KLRD1: variants seen among roughly 807,000 people sequenced by gnomAD.
KLRD1 encodes the protein killer cell lectin like receptor D1.
A neutral mutation model predicts 22.6 loss-of-function variants in KLRD1; 21 were observed. The ratio of observed to expected loss-of-function variants is 0.93; its 90% CI spans 0.66 to 1.34. KLRD1 has a LOEUF of 1.34. Among genes scored for constraint, KLRD1 ranks in the 40% most tolerant of loss-of-function variants. The pLI, the probability that KLRD1 is intolerant of heterozygous loss-of-function variation, is 0.00. For synonymous variants in KLRD1, 59 were observed against 71.1 expected, an observed-to-expected ratio of 0.83 and a Z score of 0.85; for missense variants, 183 against 208.6, an observed-to-expected ratio of 0.88 and a Z score of 0.76.
intron 1 of KLRD1, among the ~76,000 whole-genome samples, chr12:10,248,593 T>C (rs1483841188): frequency 3.9e-5 from 4 of 103,570 alleles, no homozygotes; most frequent in Non-Finnish European, 6.6e-5. Flanking sequence ...TTCCCTTCTT[T>C]TCTTCTTTTC....
In KLRD1 at chr12:10,324,818, G is replaced by GTGTGTATATATATATATATA. The variant is rs750696767; in HGVS notation, c.*10026_*10027insGTGTATATATATATATATAT. 2.4e-4 allele frequency: 18 copies of GTGTGTATATATATATATATA among 74,154 alleles called. No homozygotes were observed. In the East Asian group the frequency reaches 4.0e-3, roughly 17 times the overall value. 4.6% of individuals were successfully genotyped at this position (74,154 alleles called of 1,614,324 possible). ...AGTATATATGTATATGTGTGTGTGT[G>GTGTGTATATATATATATATA]TATATATATATATATATATATATAT... On this transcript the variant is annotated 3_prime_UTR_variant, in exon 6 of 6. Coordinates refer to ENST00000336164, the MANE Select transcript of KLRD1 (RefSeq NM_002262.5).
At chr12:10,270,960 T>G (rs559179201) in intron 1 of KLRD1, among the ~76,000 whole-genome samples, 1 of 152,128 alleles carries the variant, frequency 6.6e-6, no homozygotes, top group South Asian at 2.1e-4. Context: ...ATTTTTGTAT[T>G]TTTAGTAGAG....
chr12:10,274,683 G>A (rs748073280), intron 1 of KLRD1, among the ~76,000 whole-genome samples: 10 of 151,974 alleles, frequency 6.6e-5, no homozygotes, highest in South Asian at 4.2e-4. Flanking sequence ...CTCTTCATCC[G>A]TGTCTAAGTA....
At chr12:10,279,250 G>C (rs1447119600) in intron 1 of KLRD1, among the ~76,000 whole-genome samples, 1 of 151,988 alleles carries the variant, frequency 6.6e-6, no homozygotes, top group African/African-American at 2.4e-5. Flanking sequence ...GCAGTATTTG[G>C]TTTTCTGTTT....
At chr12:10,258,437 C>T (rs991990283) in intron 1 of KLRD1, among the ~76,000 whole-genome samples, 6 of 152,152 alleles carry the variant, frequency 3.9e-5, no homozygotes, top group African/African-American at 1.4e-4. Context: ...TCTCCAGCCA[C>T]ATTGGGATGG....
intron 1 of KLRD1, among the ~76,000 whole-genome samples, chr12:10,289,274 C>T (rs1165748075): frequency 6.6e-6 from 1 of 152,216 alleles, no homozygotes; most frequent in East Asian, 1.9e-4. Flanking sequence ...GCAGCTGCAG[C>T]TGAGCTCTTT....
At chr12:10,258,705 A>T (rs1243444978) in intron 1 of KLRD1, among the ~76,000 whole-genome samples, 1 of 152,216 alleles carries the variant, frequency 6.6e-6, no homozygotes, top group African/African-American at 2.4e-5. Context: ...AGGAAATAGA[A>T]CTAAATGGAC....
At chr12:10,309,274 C>T (rs2137693041) in intron 1 of KLRD1, 114 bp from the exon 2 acceptor site, 3 of 642,062 alleles carry the variant, frequency 4.7e-6, no homozygotes, top group South Asian at 4.0e-5. Context: ...GGCAAGATGA[C>T]TCCGTTATCA....
At position 10,320,517 on chromosome 12, in the gene KLRD1, G is replaced by A. The variant is rs895295070; in HGVS notation, c.*5724G>A. The A allele has an allele frequency of 5.9e-5, 9 of 152,202 alleles. No homozygotes were observed. The highest frequency in any genetic ancestry group is 1.2e-4 in the Non-Finnish European group (8 of 68,028). 9.4% of individuals were successfully genotyped at this position (152,202 alleles called of 1,614,324 possible). On this transcript the variant is annotated 3_prime_UTR_variant, in exon 6 of 6. Coordinates refer to ENST00000336164, the MANE Select transcript of KLRD1 (RefSeq NM_002262.5). The stretch of plus-strand genomic sequence containing the variant: ...TGCTCTAAACTTATTTCCAACTAGA[G>A]TGTTGAATATCTTGTCTGATTTCTT...
chr12:10,258,566 T>C (rs1949420784), intron 1 of KLRD1, among the ~76,000 whole-genome samples: 1 of 152,190 alleles, frequency 6.6e-6, no homozygotes, highest in African/African-American at 2.4e-5. Context: ...AAAGATCTAT[T>C]GAAAAATAGA....
At chr12:10,291,756 T>G (rs149531875) in intron 1 of KLRD1, among the ~76,000 whole-genome samples, 1 of 152,110 alleles carries the variant, frequency 6.6e-6, no homozygotes, top group Admixed American at 6.5e-5. Context: ...AAGCCCTACA[T>G]GCATTAGGTA....
chr12:10,285,665 A>G (rs1044806230), intron 1 of KLRD1, among the ~76,000 whole-genome samples: 9 of 152,178 alleles, frequency 5.9e-5, no homozygotes, highest in Admixed American at 4.6e-4. Context: ...CTCTAAGCAC[A>G]TTATCCGAAG....
Position 10,241,880 on chromosome 12 carries a change from A to G in KLRD1, c.-101+15647A>G, listed in dbSNP as rs74741247. On this transcript the variant is annotated intron_variant, in intron 1 of 5. Coordinates refer to the KLRD1 transcript ENST00000544747. ...AAACATGATGTTCTCTTAACCCGTC[A>G]GTATGTAAGTATTTCCTCAGAAATC... Among the ~76,000 whole-genome samples, 50 of 152,230 alleles carry G rather than the reference A, an allele frequency of 3.3e-4. No homozygotes were observed. In the East Asian group the frequency reaches 9.3e-3, roughly 28 times the overall value.
chr12:10,326,381 T>A lies in KLRD1; in HGVS notation c.*11588T>A, dbSNP rs1383207710. 4 of 152,206 alleles carry A rather than the reference T, an allele frequency of 2.6e-5. No individual in the cohort carries two copies. The highest frequency in any genetic ancestry group is 1.3e-4 in the Admixed American group (2 of 15,264). 9.4% of individuals were successfully genotyped at this position (152,206 alleles called of 1,614,324 possible). Reference sequence around the variant, plus strand: ...CATATGCCCATAACACAGCCTCACCTCAGGAGGTCCTGCTGACATGTGCCC... The same window carrying A: ...CATATGCCCATAACACAGCCTCACCACAGGAGGTCCTGCTGACATGTGCCC... On this transcript the variant is annotated 3_prime_UTR_variant, in exon 6 of 6. Transcript: ENST00000336164.
Position 10,325,197 on chromosome 12 carries a change from T to A in KLRD1, c.*10404T>A, listed in dbSNP as rs943741722. 2.0e-5 allele frequency: 3 copies of A among 152,088 alleles called. No homozygotes were observed. Among genetic ancestry groups the A allele is most frequent in the Non-Finnish European group, 4.4e-5 (3 of 67,970 alleles). 9.4% of individuals were successfully genotyped at this position (152,088 alleles called of 1,614,324 possible). On this transcript the variant is annotated 3_prime_UTR_variant, in exon 6 of 6. Transcript: ENST00000336164. ...AAGTTCCCTCCTATTCCTAGTCTGATGAGAATTTTTATAAGGAGTACATAT... is the reference window on the plus strand; with the variant it reads ...AAGTTCCCTCCTATTCCTAGTCTGAAGAGAATTTTTATAAGGAGTACATAT...
chr12:10,308,134 CTTGGAT>C (rs1937648551), intron 1 of KLRD1, 50 bp downstream of exon 1: 2 of 1,528,650 alleles, frequency 1.3e-6, no homozygotes, highest in African/African-American at 1.4e-5. Flanking sequence ...AAAGCTATTT[CTTGGAT>C]TGGCTGATTT....
At chr12:10,257,888 G>A (rs764891071) in intron 1 of KLRD1, among the ~76,000 whole-genome samples, 3 of 151,968 alleles carry the variant, frequency 2.0e-5, no homozygotes, top group Non-Finnish European at 2.9e-5. Context: ...TCTATTAACT[G>A]TGTACTGTAG....
chr12:10,300,358 A>T (rs1292027748), upstream of KLRD1, among the ~76,000 whole-genome samples: 5 of 152,236 alleles, frequency 3.3e-5, no homozygotes, highest in Non-Finnish European at 7.3e-5. Context: ...AGAAAACAAC[A>T]TGTATCTCCT....
At chr12:10,274,800 C>A (rs917449925) in intron 1 of KLRD1, among the ~76,000 whole-genome samples, 1 of 152,098 alleles carries the variant, frequency 6.6e-6, no homozygotes, top group East Asian at 1.9e-4. Context: ...GTTTTCTAAA[C>A]ACATTTCCAA....
Sources: gnomAD v4.1 joint callset for allele counts (sites outside exome capture counted in the v4.1 genomes callset) on GRCh38, gnomAD v4.1.1 for gene constraint, MANE v1.5 for transcripts, NCBI Gene and HGNC (gene_info 2026-07-23, HGNC 2026-07-21) for gene names.